The following AGAP1 variants were observed in gnomAD, a reference collection of about 807,000 sequenced individuals.
AGAP1 encodes arf-GAP with GTPase, ANK repeat and PH domain-containing protein 1.
AGAP1 carries 29 observed loss-of-function variants against 105.3 expected under a neutral mutation model. The observed-to-expected ratio is 0.28, with a 90% CI of 0.21 to 0.38. The LOEUF is 0.38. AGAP1 is among the 10% of genes least tolerant of loss of function. The probability of loss-of-function intolerance (pLI) is 1.00; values close to 1 mark genes in which losing one functional copy is unlikely to be tolerated. For synonymous variants in AGAP1, 509 were observed against 485.9 expected (o/e 1.05, Z -0.63); for missense variants, 998 against 1,165.1 (o/e 0.86, Z 2.09).
intron 13 of AGAP1, among the ~76,000 whole-genome samples, chr2:236,025,026 T>C (rs1643918938): frequency 6.6e-6 from 1 of 152,212 alleles, no homozygotes; most frequent in African/African-American, 2.4e-5. Flanking sequence ...TGTGGTGGCA[T>C]CTTGATTTTT....
chr2:235,511,412 G>C (rs193102933), intron 1 of AGAP1, among the ~76,000 whole-genome samples: 80 of 152,218 alleles, frequency 5.3e-4, no homozygotes, highest in African/African-American at 1.7e-3. Flanking sequence ...GCCAGGAGCC[G>C]CAGGGGGCTC....
In AGAP1 at chr2:235,959,057, C is replaced by G. The variant is rs1311053772; in HGVS notation, c.1484-9405C>G. ...GCTCAGCGCCGCGCAGCTCGGGACC[C>G]CAGTCCCTCCGTCAGAGCCGGTTTA... On this transcript the variant is annotated intron_variant, in intron 12 of 17. Transcript: ENST00000304032. The surrounding 1 kb of genome is among the most constrained non-coding windows in gnomAD (Gnocchi z 7.3). Among the ~76,000 whole-genome samples the G allele has an allele frequency of 6.6e-6, 1 of 152,206 alleles. No homozygotes were observed. Among genetic ancestry groups the G allele is most frequent in the South Asian group, 2.1e-4 (1 of 4,832 alleles).
At chr2:235,613,699 A>G (rs1946215656) in intron 1 of AGAP1, among the ~76,000 whole-genome samples, 1 of 152,266 alleles carries the variant, frequency 6.6e-6, no homozygotes, top group Admixed American at 6.5e-5. Flanking sequence ...CTTTATTGCT[A>G]TTATTCCAGG....
At chr2:235,738,203 G>A (rs1429063445) in intron 3 of AGAP1, among the ~76,000 whole-genome samples, 1 of 152,184 alleles carries the variant, frequency 6.6e-6, no homozygotes, top group African/African-American at 2.4e-5. Flanking sequence ...TGAGGGGTAG[G>A]GAAGGGAGAG....
At chr2:235,944,412 G>A (rs1397800819) in intron 12 of AGAP1, among the ~76,000 whole-genome samples, 1 of 152,092 alleles carries the variant, frequency 6.6e-6, no homozygotes, top group Non-Finnish European at 1.5e-5. Context: ...GTCCTTTGCT[G>A]GATTTTTAAA....
intron 13 of AGAP1, among the ~76,000 whole-genome samples, chr2:235,987,524 T>G (rs1207836301): frequency 1.1e-4 from 11 of 103,706 alleles, no homozygotes; most frequent in African/African-American, 2.3e-4. Context: ...TTTTTTTTTT[T>G]GGAGGGTTTT....
intron 1 of AGAP1, among the ~76,000 whole-genome samples, chr2:235,572,394 G>T (rs1944557536): frequency 6.6e-6 from 1 of 152,040 alleles, no homozygotes; most frequent in Admixed American, 6.5e-5. Context: ...GTGCACTGGT[G>T]GGGTAGTTCT....
At chr2:235,980,315 G>A (rs958656590) in intron 13 of AGAP1, among the ~76,000 whole-genome samples, 7 of 152,136 alleles carry the variant, frequency 4.6e-5, no homozygotes, top group African/African-American at 7.2e-5. Flanking sequence ...CGTCATCCCA[G>A]GATAAGTGCT....
At chr2:236,074,711 T>C (rs1174947071) in intron 16 of AGAP1, among the ~76,000 whole-genome samples, 1 of 152,234 alleles carries the variant, frequency 6.6e-6, no homozygotes, top group Non-Finnish European at 1.5e-5. Context: ...CATTTCCTGT[T>C]TTCTTTTACT....
chr2:235,839,669 T>C (rs1177679982), intron 9 of AGAP1, among the ~76,000 whole-genome samples: 2 of 152,128 alleles, frequency 1.3e-5, no homozygotes, highest in Non-Finnish European at 2.9e-5. Flanking sequence ...TTGTTGAGAA[T>C]CCATTTTCCC....
chr2:235,908,820 C>T lies in AGAP1; in HGVS notation c.1238C>T (p.Ala413Val). The change falls in exon 11 of 18, where the codon GCC (alanine) becomes GTC (valine). Residue 413 changes from alanine (A) to valine (V), a missense_variant. Physicochemically the swap from Ala to Val is moderately conservative, Grantham distance 64. Transcript: ENST00000304032. This position sits in a 1 kb window ranked among gnomAD's most constrained non-coding sequence, Gnocchi z 4.4. Reference sequence around the variant, plus strand: ...GTCCCAGGGAAGAGGCCACCCCGAGCCACGTCAGCCTGCGCACCCATCTCC... The same window carrying T: ...GTCCCAGGGAAGAGGCCACCCCGAGTCACGTCAGCCTGCGCACCCATCTCC... ...VKVPGKRPPR[A>V]TSACAPISSP... 6.2e-7 allele frequency: 1 copy of T among 1,614,038 alleles called. No homozygotes were observed. The highest frequency in any genetic ancestry group is 8.5e-7 in the Non-Finnish European group (1 of 1,179,984).
In AGAP1 at chr2:235,610,557, T is replaced by C. The variant is rs1284265483; in HGVS notation, c.164-98622T>C. ...TAATTCCATCATGAGGGCCCCATCC[T>C]TATGACCTTGTCCAACCCTAATTAC... On this transcript the variant is annotated intron_variant, in intron 1 of 17. Coordinates refer to ENST00000304032, the MANE Select transcript of AGAP1 (RefSeq NM_001037131.3). This position sits in a 1 kb window ranked among gnomAD's most constrained non-coding sequence, Gnocchi z 4.9. 6.6e-6 allele frequency among the ~76,000 whole-genome samples: 1 copy of C among 152,138 alleles called. No homozygotes were observed. The highest frequency in any genetic ancestry group is 1.5e-5 in the Non-Finnish European group (1 of 68,026).
intron 11 of AGAP1, among the ~76,000 whole-genome samples, chr2:235,918,832 G>A (rs1236109994): frequency 6.6e-6 from 1 of 152,012 alleles, no homozygotes; most frequent in South Asian, 2.1e-4. Flanking sequence ...AGTAAGTATT[G>A]TACTTCCTAA....
rs6431428 is a variant in AGAP1 at position 236,128,696 on chromosome 2, A to G, written c.*4574A>G. 0.44 allele frequency: 67,448 copies of G among 151,956 alleles called. 15,944 individuals are homozygous for G. The highest frequency in any genetic ancestry group is 0.6 in the African/African-American group (24,663 of 41,398). 9.4% of individuals were successfully genotyped at this position (151,956 alleles called of 1,614,324 possible). A position where few individuals can be genotyped will look rare whatever the true frequency, so the allele number is the denominator to read the frequency against. ...GCACTTAGGATGTTCTGGAAATGAG[A>G]GGAAATCCACATTCCTGCCCCAGGA... On this transcript the variant is annotated 3_prime_UTR_variant, in exon 18 of 18. Transcript: ENST00000304032. This position sits in a 1 kb window ranked among gnomAD's most constrained non-coding sequence, Gnocchi z 5.9.
chr2:235,722,451 G>A (rs1951436720), intron 3 of AGAP1, among the ~76,000 whole-genome samples: 1 of 152,196 alleles, frequency 6.6e-6, no homozygotes, highest in South Asian at 2.1e-4. Context: ...TTAAGGTGGT[G>A]AGGGCCTTCC....
chr2:235,806,429 G>C (rs1957836885), intron 8 of AGAP1, among the ~76,000 whole-genome samples: 1 of 152,150 alleles, frequency 6.6e-6, no homozygotes, highest in Non-Finnish European at 1.5e-5. Context: ...CGAGAGAGGA[G>C]ACTGAGACGA....
At chr2:235,933,320 G>A (rs2052816755) in intron 12 of AGAP1, among the ~76,000 whole-genome samples, 1 of 152,174 alleles carries the variant, frequency 6.6e-6, no homozygotes, top group Non-Finnish European at 1.5e-5. Flanking sequence ...ACGAGCCGCA[G>A]TGAAGTGAAA....
chr2:235,547,824 T>C (rs1943677027), intron 1 of AGAP1, among the ~76,000 whole-genome samples: 1 of 152,182 alleles, frequency 6.6e-6, no homozygotes, highest in East Asian at 1.9e-4. Flanking sequence ...GTTGGTCTTA[T>C]TTCCCCTTGC....
chr2:235,709,320 T>G, intron 2 of AGAP1, 83 bp downstream of exon 2: 1 of 1,465,832 alleles, frequency 6.8e-7, no homozygotes, highest in Non-Finnish European at 9.5e-7. Flanking sequence ...AGGCAACTGG[T>G]CATCGCCTGG....
Sources: gnomAD v4.1 joint callset for allele counts (sites outside exome capture counted in the v4.1 genomes callset) on GRCh38, gnomAD v4.1.1 for gene constraint, Gnocchi (gnomAD v3.1) non-coding constraint, MANE v1.5 for transcripts, NCBI Gene and HGNC (gene_info 2026-07-23, HGNC 2026-07-21) for gene names.